Variants in NCOA1 observed in about 807,000 individuals in gnomAD.
NCOA1 encodes the protein nuclear receptor coactivator 1.
Under a neutral mutation model 150.9 loss-of-function variants are expected in NCOA1, and 35 were observed. The ratio of observed to expected loss-of-function variants is 0.23; its 90% confidence interval spans 0.18 to 0.31. The LOEUF is 0.31. NCOA1 is among the 10% of genes least tolerant of loss of function. The pLI is 1.00. For missense variants in NCOA1, 1,491 were observed against 1,749.3 expected (o/e 0.85, Z 2.63); for synonymous variants, 590 against 630.0 (o/e 0.94, Z 0.95).
At chr2:24,530,666 T>A (rs998203928) in intron 1 of NCOA1, among the ~76,000 whole-genome samples, 2 of 152,232 alleles carry the variant, frequency 1.3e-5, no homozygotes, top group African/African-American at 2.4e-5. Context: ...CTTTTTATTT[T>A]GTTTAGTACT....
intron 3 of NCOA1, among the ~76,000 whole-genome samples, chr2:24,630,783 C>T (rs1669671224): frequency 6.6e-6 from 1 of 152,130 alleles, no homozygotes; most frequent in African/African-American, 2.4e-5. Flanking sequence ...ATCATAAAAA[C>T]AATGAAATCA....
intron 3 of NCOA1, among the ~76,000 whole-genome samples, chr2:24,603,334 T>C (rs944650783): frequency 1.3e-5 from 2 of 152,208 alleles, no homozygotes; most frequent in Admixed American, 6.5e-5. Flanking sequence ...TTGCTGAAGA[T>C]TGGAATGCTT....
intron 1 of NCOA1, among the ~76,000 whole-genome samples, chr2:24,522,662 A>G (rs80054681): frequency 6.6e-6 from 1 of 152,222 alleles, no homozygotes; most frequent in Non-Finnish European, 1.5e-5. Flanking sequence ...GCAGTAATCA[A>G]AATGTATGTC....
At chr2:24,656,302 GT>G (rs1394585339) in intron 4 of NCOA1, among the ~76,000 whole-genome samples, 1 of 152,084 alleles carries the variant, frequency 6.6e-6, no homozygotes, top group African/African-American at 2.4e-5. Flanking sequence ...GCCCATGCTG[GT>G]TTTTTGTTTT....
intron 12 of NCOA1, 67 bp downstream of exon 12, chr2:24,705,300 T>C: frequency 6.7e-7 from 1 of 1,503,270 alleles, no homozygotes. Flanking sequence ...AGAGAAATTT[T>C]TTATACTCTT....
rs577199731 is a variant in NCOA1 at position 24,497,567 on chromosome 2, G to A, written c.-396+5965G>A. 1.4e-3 allele frequency among the ~76,000 whole-genome samples: 215 copies of A among 152,252 alleles called. 1 individual carries two copies. Among genetic ancestry groups the A allele is most frequent in the African/African-American group, 5.0e-3 (208 of 41,542 alleles). ...CAAGCCTGTAGTCCCAGCTACTCAG[G>A]AGGCTGAGGCAGAAGAATTGCTTGA... On this transcript the variant is annotated intron_variant, in intron 1 of 22. Coordinates refer to ENST00000348332, the MANE Select transcript of NCOA1 (RefSeq NM_003743.5).
intron 3 of NCOA1, among the ~76,000 whole-genome samples, chr2:24,589,691 ACACGCGC>A: frequency 6.6e-6 from 1 of 151,002 alleles, no homozygotes; most frequent in Non-Finnish European, 1.5e-5. Flanking sequence ...GTTTGTGCGC[ACACGCGC>A]CACGTGTCAG....
chr2:24,738,469 T>C (rs1663436921), intron 17 of NCOA1, among the ~76,000 whole-genome samples: 1 of 152,220 alleles, frequency 6.6e-6, no homozygotes, highest in South Asian at 2.1e-4. Flanking sequence ...TACCAGATAC[T>C]GTTAAGGCAT....
chr2:24,743,471 C>G (rs750200265), intron 19 of NCOA1, among the ~76,000 whole-genome samples: 2 of 152,160 alleles, frequency 1.3e-5, no homozygotes, highest in African/African-American at 2.4e-5. Flanking sequence ...TTTCTTTGTC[C>G]TCAAGACAAT....
intron 1 of NCOA1, among the ~76,000 whole-genome samples, chr2:24,518,913 A>G (rs1209855639): frequency 2.6e-5 from 4 of 152,318 alleles, no homozygotes; most frequent in Middle Eastern, 3.4e-3. Flanking sequence ...TTCTGTGTGT[A>G]CTATGCAATC....
intron 1 of NCOA1, among the ~76,000 whole-genome samples, chr2:24,513,847 G>T (rs1219473263): frequency 6.6e-6 from 1 of 152,192 alleles, no homozygotes; most frequent in East Asian, 1.9e-4. Flanking sequence ...CAATTTCTCC[G>T]GCCAACTGTA....
intron 3 of NCOA1, among the ~76,000 whole-genome samples, chr2:24,637,358 T>C (rs1271725052): frequency 6.6e-6 from 1 of 151,192 alleles, no homozygotes; most frequent in Non-Finnish European, 1.5e-5. Flanking sequence ...CCCAAAGGAC[T>C]ATAAATCATG....
chr2:24,503,739 T>C (rs570998437), intron 1 of NCOA1, among the ~76,000 whole-genome samples: 1 of 151,590 alleles, frequency 6.6e-6, no homozygotes, highest in African/African-American at 2.4e-5. Flanking sequence ...CTCTGTTTTT[T>C]TTTTTTTTTT....
chr2:24,707,416 A>T lies in NCOA1; in HGVS notation c.1946A>T (p.Asp649Val). 1 of 1,614,226 alleles carries T rather than the reference A, an allele frequency of 6.2e-7. No individual in the cohort carries two copies. The highest frequency in any genetic ancestry group is 8.5e-7 in the Non-Finnish European group (1 of 1,180,034). Reference sequence around the variant, plus strand: ...GCCGAACAGCAGTTACGGCATGCTGATATAGACACAAGCTGCAAAGATGTC... The same window carrying T: ...GCCGAACAGCAGTTACGGCATGCTGTTATAGACACAAGCTGCAAAGATGTC... Reference protein sequence around the residue: ...TTAEQQLRHADIDTSCKDVLS... With the variant: ...TTAEQQLRHAVIDTSCKDVLS... The change falls in exon 13 of 23, where the codon GAT becomes GTT. Residue 649 changes from aspartate (D) to valine (V), a missense_variant. Physicochemically the swap from Asp to Val is radical, Grantham distance 152 (BLOSUM62 -3). Around this residue, in one of 8 missense-constraint regions of NCOA1, gnomAD observed 703 missense variants for 717.7 expected, o/e 0.98. Coordinates refer to ENST00000348332, the MANE Select transcript of NCOA1 (RefSeq NM_003743.5).
intron 3 of NCOA1, among the ~76,000 whole-genome samples, chr2:24,590,913 C>A (rs180764371): frequency 6.6e-6 from 1 of 152,118 alleles, no homozygotes; most frequent in Non-Finnish European, 1.5e-5. Flanking sequence ...TGTCTCTTCT[C>A]ACTGAATTAT....
intron 3 of NCOA1, among the ~76,000 whole-genome samples, chr2:24,603,841 A>G (rs1028261879): frequency 3.3e-5 from 5 of 152,234 alleles, no homozygotes; most frequent in African/African-American, 9.6e-5. Context: ...GAATGTTCTT[A>G]ATGGCATCCA....
chr2:24,640,367 C>CAAAAT (rs1217504523), intron 3 of NCOA1, among the ~76,000 whole-genome samples: 2 of 152,070 alleles, frequency 1.3e-5, no homozygotes, highest in Non-Finnish European at 2.9e-5. Flanking sequence ...TCTTCTGTTT[C>CAAAAT]CTTACTGGTT....
rs778966984 is a variant in NCOA1, at chr2:24,768,343, C to T, written c.4278C>T (p.Thr1426=). The T allele has an allele frequency of 1.4e-5, 23 of 1,613,208 alleles. No homozygotes were observed. Among genetic ancestry groups the T allele is most frequent in the Admixed American group, 3.3e-5 (2 of 59,960 alleles). ...AAAAGCCCACGTCAGGACCACAGAC[C>T]CCCCAGGCCCAGCAGAAGAGCCTCC... ...GTQKPTSGPQ[T]PQAQQKSLLQ... Residue 1426 remains threonine (T), a synonymous_variant, in exon 23 of 23, where the codon ACC becomes ACT. Coordinates refer to ENST00000348332, the MANE Select transcript of NCOA1 (RefSeq NM_003743.5).
chr2:24,499,056 T>C (rs368300792), intron 1 of NCOA1, among the ~76,000 whole-genome samples: 1 of 152,218 alleles, frequency 6.6e-6, no homozygotes, highest in South Asian at 2.1e-4. Flanking sequence ...TGCCTTAACC[T>C]ACATGTGATA....
Sources: gnomAD v4.1 joint callset for allele counts (sites outside exome capture counted in the v4.1 genomes callset) on GRCh38, gnomAD v4.1.1 for gene constraint, gnomAD v4.1.1 regional missense constraint, MANE v1.5 for transcripts, NCBI Gene and HGNC (gene_info 2026-07-23, HGNC 2026-07-21) for gene names.